The following ADCY10 variants were observed in gnomAD, a reference collection of about 807,000 sequenced individuals.
ADCY10 encodes adenylate cyclase 10, also known as adenylate cyclase type 10.
A neutral mutation model predicts 183.3 loss-of-function variants in ADCY10; 156 were observed. The ratio of observed to expected loss-of-function variants is 0.85; its 90% CI spans 0.75 to 0.97. ADCY10 has a LOEUF of 0.97. ADCY10 is among the 50% of genes least tolerant of loss of function. The pLI is 0.00. For synonymous variants in ADCY10, 645 were observed against 670.0 expected, an observed-to-expected ratio of 0.96 and a Z score of 0.58; for missense variants, 1,745 against 1,934.3, an observed-to-expected ratio of 0.90 and a Z score of 1.84.
At chr1:167,842,918 C>G (rs1357233050) in intron 21 of ADCY10, among the ~76,000 whole-genome samples, 10 of 152,088 alleles carry the variant, frequency 6.6e-5, no homozygotes, top group Admixed American at 6.6e-4. Context: ...AAAATGTTTG[C>G]CCCTGACTGG....
intron 21 of ADCY10, among the ~76,000 whole-genome samples, chr1:167,843,056 A>G (rs1429568122): frequency 6.6e-6 from 1 of 152,202 alleles, no homozygotes; most frequent in East Asian, 1.9e-4. Context: ...AAATTCTGAT[A>G]AGAGAAATAG....
chr1:167,896,501 A>G (rs2102379839), intron 7 of ADCY10, 94 bp downstream of exon 7: 2 of 1,001,046 alleles, frequency 2.0e-6, no homozygotes, highest in East Asian at 4.8e-5. Context: ...TGTGTTGAGG[A>G]GCCCACCCAC....
Position 167,878,625 on chromosome 1 carries a change from T to A in ADCY10, c.1227A>T (p.Gln409His). Residue 409 changes from glutamine to histidine, a missense_variant, in exon 12 of 33, where the codon CAA becomes CAT. Physicochemically the swap from Gln to His is conservative, Grantham distance 24 (BLOSUM62 0). Transcript: ENST00000367851. ...TVRHEYTVIG[Q>H]KVNLAARMMM... is the part of the protein sequence containing the mutation. The stretch of plus-strand genomic sequence containing the variant: ...TCATCCTGGCAGCTAAGTTGACTTT[T>A]TGACCAATGACTATAGCAAGAAAGA... The A allele has an allele frequency of 1.9e-6, 3 of 1,614,056 alleles. No homozygotes were observed. The highest frequency in any genetic ancestry group is 2.5e-6 in the Non-Finnish European group (3 of 1,180,000).
At chr1:167,851,050 T>C (rs1224608022) in intron 18 of ADCY10, among the ~76,000 whole-genome samples, 1 of 152,172 alleles carries the variant, frequency 6.6e-6, no homozygotes, top group East Asian at 1.9e-4. Context: ...CTTTGCCCTA[T>C]TTACTATATC....
Position 167,809,386 on chromosome 1 carries a change from T to C in ADCY10, c.*292A>G, listed in dbSNP as rs1662059065. 2 of 369,284 alleles carry C rather than the reference T, an allele frequency of 5.4e-6. No individual in the cohort carries two copies. Among genetic ancestry groups the C allele is most frequent in the Admixed American group, 8.7e-5 (2 of 23,054 alleles). 22.9% of individuals were successfully genotyped at this position (369,284 alleles called of 1,614,324 possible). A position where few individuals can be genotyped will look rare whatever the true frequency, so the allele number is the denominator to read the frequency against. The stretch of plus-strand genomic sequence containing the variant: ...TTGCAACACACGATGTCATACCATC[T>C]TGAGATTAATAATTTGTAATATGAT... On this transcript the variant is annotated 3_prime_UTR_variant, in exon 33 of 33. Transcript: ENST00000367851.
Position 167,882,957 on chromosome 1 carries a change from A to G in ADCY10, c.1020+480T>C, listed in dbSNP as rs566704157. On this transcript the variant is annotated intron_variant, in intron 9 of 32. Coordinates refer to ENST00000367851, the MANE Select transcript of ADCY10 (RefSeq NM_018417.6). ...GAGTCAATAGAGATCAGGTCCTGAG[A>G]ACAGTGCCTGGCACATAGTAAGTGC... Among the ~76,000 whole-genome samples the G allele has an allele frequency of 6.6e-5, 10 of 152,360 alleles. No individual in the cohort carries two copies. The East Asian group carries it at 1.7e-3, about 26-fold the overall frequency.
chr1:167,866,750 T>TAAAA (rs368735411), intron 14 of ADCY10, among the ~76,000 whole-genome samples: 7 of 123,086 alleles, frequency 5.7e-5, no homozygotes, highest in East Asian at 2.2e-4. Context: ...AAAGTTCACT[T>TAAAA]AAAAAAAAAA....
In ADCY10 at chr1:167,833,306, A is replaced by G. The variant is rs1663917744; in HGVS notation, c.3418-144T>C. 9 of 769,612 alleles carry G rather than the reference A, an allele frequency of 1.2e-5. No individual in the cohort carries two copies. The South Asian group carries it at 1.2e-4, about 11-fold the overall frequency. 47.7% of individuals were successfully genotyped at this position (769,612 alleles called of 1,614,324 possible). A position where few individuals can be genotyped will look rare whatever the true frequency, so the allele number is the denominator to read the frequency against. ...GAAACAAAATCTTCCTGTGCCTGGC[A>G]TAATAGAAAATGTCTATTGGATATA... On this transcript the variant is annotated intron_variant, in intron 24 of 32. Coordinates refer to ENST00000367851, the MANE Select transcript of ADCY10 (RefSeq NM_018417.6).
rs763525168 is a variant in ADCY10 at position 167,840,070 on chromosome 1, AAAG to A, written c.3008-2755_3008-2753del. Among the ~76,000 whole-genome samples, 85 of 151,728 alleles carry A rather than the reference AAAG, an allele frequency of 5.6e-4. 1 individual carries two copies. Among genetic ancestry groups the A allele is most frequent in the South Asian group, 4.8e-3 (23 of 4,794 alleles). On this transcript the variant is annotated intron_variant, in intron 21 of 32. Coordinates refer to ENST00000367851, the MANE Select transcript of ADCY10 (RefSeq NM_018417.6). The stretch of plus-strand genomic sequence containing the variant: ...CCTGTCTATAAAAAAAAAAAAAAGA[AAAG>A]AAAAAAAAATTAGCAGCACATGGTG...
intron 12 of ADCY10, among the ~76,000 whole-genome samples, chr1:167,876,257 CAA>C (rs71301004): frequency 1.3e-3 from 110 of 85,062 alleles, no homozygotes; most frequent in African/African-American, 3.7e-3. Flanking sequence ...AGCTCCATCT[CAA>C]AAAAAAAAAA....
intron 8 of ADCY10, among the ~76,000 whole-genome samples, chr1:167,889,616 C>A (rs1333836075): frequency 6.6e-6 from 1 of 152,106 alleles, no homozygotes; most frequent in Non-Finnish European, 1.5e-5. Flanking sequence ...ATTCCCTCCT[C>A]TTCTATGTTT....
intron 21 of ADCY10, 152 bp downstream of exon 21, chr1:167,845,411 C>T: frequency 1.4e-6 from 1 of 736,872 alleles, no homozygotes; most frequent in Non-Finnish European, 2.3e-6. Flanking sequence ...TTTCTCTTCC[C>T]CATTGGCCTA....
chr1:167,855,219 C>G (rs1234332790), intron 17 of ADCY10, among the ~76,000 whole-genome samples: 1 of 152,152 alleles, frequency 6.6e-6, no homozygotes, highest in Non-Finnish European at 1.5e-5. Flanking sequence ...ACTCGGGAGG[C>G]TGAGGCAGAA....
At chr1:167,856,644 G>C (rs749495334) in intron 16 of ADCY10, among the ~76,000 whole-genome samples, 3 of 152,152 alleles carry the variant, frequency 2.0e-5, no homozygotes, top group Non-Finnish European at 1.5e-5. Context: ...GACAGAGCTG[G>C]CTGGAATGGA....
At chr1:167,885,511 T>C (rs1353599498) in intron 8 of ADCY10, among the ~76,000 whole-genome samples, 1 of 152,272 alleles carries the variant, frequency 6.6e-6, no homozygotes, top group African/African-American at 2.4e-5. Context: ...AATCTTATTG[T>C]AGTTTTGATT....
At chr1:167,823,775 T>C (rs149869117) in intron 28 of ADCY10, among the ~76,000 whole-genome samples, 84 of 152,304 alleles carry the variant, frequency 5.5e-4, no homozygotes, top group Admixed American at 1.5e-3. Context: ...TCAAATTGGC[T>C]CTTTTTTCAA....
At position 167,880,203 on chromosome 1, in the gene ADCY10, G is replaced by A. The variant is rs767820974; in HGVS notation, c.1140-12C>T. The A allele has an allele frequency of 2.5e-6, 4 of 1,609,004 alleles. No individual in the cohort carries two copies. Among genetic ancestry groups the A allele is most frequent in the East Asian group, 2.2e-5 (1 of 44,878 alleles). On this transcript the variant is annotated splice_polypyrimidine_tract_variant and intron_variant, in intron 10 of 32. Coordinates refer to ENST00000367851, the MANE Select transcript of ADCY10 (RefSeq NM_018417.6). ...CGATGGATACAGTTCTGGTGCAGGG[G>A]AGACAAGATTTGTGGGGAAAGAAAT...
chr1:167,874,207 T>C (rs989950435), intron 13 of ADCY10, among the ~76,000 whole-genome samples: 1 of 152,244 alleles, frequency 6.6e-6, no homozygotes, highest in African/African-American at 2.4e-5. Context: ...GGCGGACACC[T>C]GTAATCCCAG....
At chr1:167,870,486 A>G (rs1667023560) in intron 13 of ADCY10, 76 bp from the exon 14 acceptor site, 1 of 1,305,062 alleles carries the variant, frequency 7.7e-7, no homozygotes. Context: ...GTCACATAGA[A>G]ACCCTCCTTC....
Sources: gnomAD v4.1 joint callset for allele counts (sites outside exome capture counted in the v4.1 genomes callset) on GRCh38, gnomAD v4.1.1 for gene constraint, MANE v1.5 for transcripts, NCBI Gene and HGNC (gene_info 2026-07-23, HGNC 2026-07-21) for gene names.